Variants in RNF25 observed in about 807,000 individuals in gnomAD.
RNF25 encodes the protein ring finger protein 25.
A neutral mutation model predicts 65.0 loss-of-function variants in RNF25; 32 were observed. The observed-to-expected ratio is 0.49, with a 90% CI of 0.37 to 0.66. RNF25 has a LOEUF of 0.66. Among genes scored for constraint, RNF25 ranks in the 30% least tolerant of loss-of-function variants. The pLI, the probability that RNF25 is intolerant of heterozygous loss-of-function variation, is 0.00. For missense variants in RNF25, 493 were observed against 584.8 expected, an observed-to-expected ratio of 0.84 and a Z score of 1.62; for synonymous variants, 207 against 221.2, an observed-to-expected ratio of 0.94 and a Z score of 0.57.
chr2:218,670,724 G>T (rs1483631913), intron 1 of RNF25, among the ~76,000 whole-genome samples: 1 of 149,384 alleles, frequency 6.7e-6, no homozygotes, highest in Non-Finnish European at 1.5e-5. Flanking sequence ...AAAAAAAATT[G>T]GGGGAGTGGG....
chr2:218,670,749 C>T (rs532563271), intron 1 of RNF25, among the ~76,000 whole-genome samples: 30 of 150,642 alleles, frequency 2.0e-4, no homozygotes, highest in African/African-American at 7.3e-4. Context: ...GAAGAATGTC[C>T]TAGTACAAAG....
intron 5 of RNF25, among the ~76,000 whole-genome samples, chr2:218,667,176 A>T (rs1939840037): frequency 6.6e-6 from 1 of 150,446 alleles, no homozygotes; most frequent in South Asian, 2.1e-4. Flanking sequence ...AAAAAAAAAA[A>T]AAAAATTAAA....
chr2:218,665,437 G>A (rs1002260138), intron 7 of RNF25, among the ~76,000 whole-genome samples, 190 bp from the exon 8 acceptor site: 8 of 152,150 alleles, frequency 5.3e-5, no homozygotes, highest in Admixed American at 1.3e-4. Flanking sequence ...CATGCAATAT[G>A]TAAGTGTATA....
Position 218,663,993 on chromosome 2 carries a change from C to A in RNF25, c.1344G>T (p.Arg448Ser). ...GQGAYRPGTR[R>S]ESLGLESKDG... The stretch of plus-strand genomic sequence containing the variant: ...CCTTAGATTCCAGGCCCAGGGACTC[C>A]CTCCGAGTACCAGGCCGGTATGCTC... The change falls in exon 10 of 10, where the codon AGG becomes AGT. Residue 448 changes from arginine to serine, a missense_variant. Transcript: ENST00000295704. The A allele has an allele frequency of 6.8e-7, 1 of 1,465,198 alleles. No homozygotes were observed. Among genetic ancestry groups the A allele is most frequent in the East Asian group, 2.4e-5 (1 of 42,432 alleles). The allele number at this position is 1,465,198 out of a possible 1,614,324, so 90.8% of individuals were successfully genotyped here.
Position 218,664,637 on chromosome 2 carries a change from C to T in RNF25, c.801+102G>A. ...TCTGGGCTGACCACGATCAGCCTAT[C>T]ATCTTCCTGGTTAGAACAAAGCTCA... On this transcript the variant is annotated intron_variant, in intron 9 of 9. Transcript: ENST00000295704. The surrounding 1 kb of genome is among the most constrained non-coding windows in gnomAD (Gnocchi z 5.1). 1 of 1,580,910 alleles carries T rather than the reference C, an allele frequency of 6.3e-7. No individual in the cohort carries two copies. Among genetic ancestry groups the T allele is most frequent in the Non-Finnish European group, 8.6e-7 (1 of 1,159,232 alleles).
chr2:218,667,887 T>C lies in RNF25; in HGVS notation c.357+25A>G, dbSNP rs201987286. On this transcript the variant is annotated intron_variant, in intron 5 of 9. Transcript: ENST00000295704. ...CTGCTCTAGCTTGAAGGAAAGAACATATCTCAGACTAGCGCACCTCTTACC... is the reference window on the plus strand; with the variant it reads ...CTGCTCTAGCTTGAAGGAAAGAACACATCTCAGACTAGCGCACCTCTTACC... The C allele has an allele frequency of 1.6e-5, 25 of 1,606,726 alleles. No homozygotes were observed. The Admixed American group carries it at 4.0e-4, about 26-fold the overall frequency.
Position 218,668,321 on chromosome 2 carries a change from T to C in RNF25, c.137A>G (p.Tyr46Cys), listed in dbSNP as rs1342798636. Residue 46 changes from tyrosine (Y) to cysteine (C), a missense_variant, in exon 3 of 10, where the codon TAC (tyrosine) becomes TGC (cysteine). Tyr to Cys is a radical substitution (Grantham distance 194, BLOSUM62 -2). Coordinates refer to ENST00000295704, the MANE Select transcript of RNF25 (RefSeq NM_022453.3). Reference protein sequence around the residue: ...GNGRTSPWEIYITLHPATAED... With the variant: ...GNGRTSPWEICITLHPATAED... The stretch of plus-strand genomic sequence containing the variant: ...TGCAGTGGCAGGATGCAAAGTGATG[T>C]AGATCTCCCATGGTGAAGTTCTGCA... 6 of 1,612,916 alleles carry C rather than the reference T, an allele frequency of 3.7e-6. No individual in the cohort carries two copies. The highest frequency in any genetic ancestry group is 5.1e-6 in the Non-Finnish European group (6 of 1,179,808).
In RNF25 at chr2:218,668,263, A is replaced by G; in HGVS notation, c.195T>C (p.Thr65=). 2 of 1,614,112 alleles carry G rather than the reference A, an allele frequency of 1.2e-6. No homozygotes were observed. Among genetic ancestry groups the G allele is most frequent in the South Asian group, 2.2e-5 (2 of 91,080 alleles). ...CCTCTGCTGGGACCTGAAGCACCAG[A>G]GTGAAGCAGACATACTGTGAATCCT... The part of the protein sequence containing the change: ...EDQDSQYVCF[T]LVLQVPAEYP... Residue 65 remains threonine (T), a synonymous_variant, in exon 3 of 10, where the codon ACT becomes ACC. Coordinates refer to ENST00000295704, the MANE Select transcript of RNF25 (RefSeq NM_022453.3).
chr2:218,664,011 G>T lies in RNF25; in HGVS notation c.1326C>A (p.Tyr442Ter). Reference protein sequence around the residue: ...YPRLPRGQGAYRPGTRRESLG... With the variant: ...YPRLPRGQGA Reference sequence around the variant, plus strand: ...GGGACTCCCTCCGAGTACCAGGCCGGTATGCTCCCTGGCCCCGAGGCAGGC... The same window carrying T: ...GGGACTCCCTCCGAGTACCAGGCCGTTATGCTCCCTGGCCCCGAGGCAGGC... Residue 442 changes from tyrosine to a stop codon, truncating the protein, a stop_gained, in exon 10 of 10, where the codon TAC (tyrosine) becomes TAA (stop). Coordinates refer to ENST00000295704, the MANE Select transcript of RNF25 (RefSeq NM_022453.3). LOFTEE classifies it high-confidence loss of function. The surrounding 1 kb of genome is among the most constrained non-coding windows in gnomAD (Gnocchi z 5.1). The T allele has an allele frequency of 6.7e-7, 1 of 1,485,518 alleles. No homozygotes were observed. The highest frequency in any genetic ancestry group is 8.9e-7 in the Non-Finnish European group (1 of 1,117,792). The allele number at this position is 1,485,518 out of a possible 1,614,324, so 92.0% of individuals were successfully genotyped here. A position where few individuals can be genotyped will look rare whatever the true frequency, so the allele number is the denominator to read the frequency against.
At chr2:218,668,759 G>T in intron 1 of RNF25, 80 bp from the exon 2 acceptor site, 1 of 975,466 alleles carries the variant, frequency 1.0e-6, no homozygotes, top group Non-Finnish European at 1.6e-6. Context: ...GGCAGGCTTT[G>T]TAGAAAAATG....
At position 218,667,962 on chromosome 2, in the gene RNF25, G is replaced by C. The variant is rs758432588; in HGVS notation, c.307C>G (p.His103Asp). 37 of 1,614,062 alleles carry C rather than the reference G, an allele frequency of 2.3e-5. No individual in the cohort carries two copies. The highest frequency in any genetic ancestry group is 3.1e-5 in the Non-Finnish European group (37 of 1,180,036). The change falls in exon 5 of 10, where the codon CAC becomes GAC. Residue 103 changes from histidine to aspartate, a missense_variant. By Grantham distance (81) the His-to-Asp change is moderately conservative (BLOSUM62 -1). This residue lies in a region of RNF25 where 108 missense variants were observed against 166.0 expected (regional missense o/e 0.65). Coordinates refer to ENST00000295704, the MANE Select transcript of RNF25 (RefSeq NM_022453.3). ...QIHTILQVLG[H>D]VAKAGLGTAM... ...GTGCCCAGCCCAGCCTTGGCCACGT[G>C]GCCCAGCACCTGTAAGATCCTGGAG...
Position 218,663,946 on chromosome 2 carries a change from A to C in RNF25, c.*11T>G, listed in dbSNP as rs751441284. On this transcript the variant is annotated 3_prime_UTR_variant, in exon 10 of 10. Coordinates refer to ENST00000295704, the MANE Select transcript of RNF25 (RefSeq NM_022453.3). ...CCATCCCCAATTCCCTGTTCCCCCC[A>C]CCAAGTCCTGCTAGGAACCATCCTT... is the stretch of plus-strand genomic sequence containing the variant. The C allele has an allele frequency of 2.8e-6, 4 of 1,428,170 alleles. No individual in the cohort carries two copies. Among genetic ancestry groups the C allele is most frequent in the Non-Finnish European group, 3.7e-6 (4 of 1,087,922 alleles). 88.5% of individuals were successfully genotyped at this position (1,428,170 alleles called of 1,614,324 possible).
At chr2:218,670,566 G>A (rs887423937) in intron 1 of RNF25, among the ~76,000 whole-genome samples, 9 of 151,288 alleles carry the variant, frequency 5.9e-5, no homozygotes, top group Non-Finnish European at 8.8e-5. Context: ...TGTGGTGGCG[G>A]GCGCCTGTAG....
Position 218,664,909 on chromosome 2 carries a change from A to G in RNF25, c.667-36T>C, listed in dbSNP as rs1338034854. On this transcript the variant is annotated intron_variant, in intron 8 of 9. Coordinates refer to ENST00000295704, the MANE Select transcript of RNF25 (RefSeq NM_022453.3). The surrounding 1 kb of genome is among the most constrained non-coding windows in gnomAD (Gnocchi z 5.1). ...GAATGGCAGAGAGGAAATAATGAAC[A>G]GCAGAAGGCTGACTCAAACCTCTAC... is the stretch of plus-strand genomic sequence containing the variant. 7 of 1,612,860 alleles carry G rather than the reference A, an allele frequency of 4.3e-6. No homozygotes were observed. Among genetic ancestry groups the G allele is most frequent in the Non-Finnish European group, 5.9e-6 (7 of 1,179,550 alleles).
Position 218,664,678 on chromosome 2 carries a change from T to C in RNF25, c.801+61A>G. The C allele has an allele frequency of 6.2e-7, 1 of 1,608,822 alleles. No homozygotes were observed. The highest frequency in any genetic ancestry group is 1.7e-5 in the Admixed American group (1 of 59,772). On this transcript the variant is annotated intron_variant, in intron 9 of 9. Coordinates refer to ENST00000295704, the MANE Select transcript of RNF25 (RefSeq NM_022453.3). The surrounding 1 kb of genome is among the most constrained non-coding windows in gnomAD (Gnocchi z 5.1). ...ACAAAGCTCACTCTGGGGCCATGGC[T>C]GATTGGGGTTTGTAGAAAGGTTGGT...
Position 218,667,896 on chromosome 2 carries a change from C to G in RNF25, c.357+16G>C, listed in dbSNP as rs1939869252. On this transcript the variant is annotated intron_variant, in intron 5 of 9. Transcript: ENST00000295704. ...CTTGAAGGAAAGAACATATCTCAGA[C>G]TAGCGCACCTCTTACCTCAATGAGT... is the stretch of plus-strand genomic sequence containing the variant. 6.2e-7 allele frequency: 1 copy of G among 1,611,742 alleles called. No homozygotes were observed. Among genetic ancestry groups the G allele is most frequent in the East Asian group, 2.2e-5 (1 of 44,856 alleles).
chr2:218,666,334 GCCAGTTTGT>G, intron 5 of RNF25, 104 bp from the exon 6 acceptor site: 2 of 892,324 alleles, frequency 2.2e-6, no homozygotes, highest in Non-Finnish European at 3.6e-6. Flanking sequence ...CTCCTAGCAG[GCCAGTTTGT>G]TACCTTGTGT....
Position 218,664,094 on chromosome 2 carries a change from G to T in RNF25, c.1243C>A (p.Arg415=). 1 of 1,522,114 alleles carries T rather than the reference G, an allele frequency of 6.6e-7. No homozygotes were observed. Among genetic ancestry groups the T allele is most frequent in the Non-Finnish European group, 8.8e-7 (1 of 1,137,612 alleles). 94.3% of individuals were successfully genotyped at this position (1,522,114 alleles called of 1,614,324 possible). A position where few individuals can be genotyped will look rare whatever the true frequency, so the allele number is the denominator to read the frequency against. The change falls in exon 10 of 10, where the codon CGG becomes AGG. Residue 415 remains arginine (R), a synonymous_variant. Transcript: ENST00000295704. The surrounding 1 kb of genome is among the most constrained non-coding windows in gnomAD (Gnocchi z 5.1). The stretch of plus-strand genomic sequence containing the variant: ...GAGCGCTCCCAGCGAACACAGTCCC[G>T]AGTCCTGCGGGGTGGGGGCCCCTGC... The part of the protein sequence containing the change: ...SWQGPPPRRT[R]DCVRWERSKG...
intron 1 of RNF25, among the ~76,000 whole-genome samples, chr2:218,669,435 T>C (rs984368197): frequency 3.9e-5 from 6 of 152,210 alleles, no homozygotes; most frequent in Non-Finnish European, 8.8e-5. Context: ...CTACGTCCTC[T>C]TTTTTTCCTG....
Sources: allele counts gnomAD v4.1 joint callset (sites outside exome capture counted in the v4.1 genomes callset), GRCh38; gene constraint gnomAD v4.1.1; regional missense constraint gnomAD v4.1.1; non-coding constraint Gnocchi (gnomAD v3.1); transcripts MANE v1.5; gene names NCBI Gene and HGNC (gene_info 2026-07-23, HGNC 2026-07-21).